Variants in CYTH4 observed in about 807,000 individuals in gnomAD.
The protein encoded by CYTH4 is cytohesin-4.
A neutral mutation model predicts 57.5 loss-of-function variants in CYTH4; 22 were observed. The ratio of observed to expected loss-of-function variants is 0.38; its 90% confidence interval spans 0.27 to 0.55. The LOEUF is 0.55. Among genes scored for constraint, CYTH4 ranks in the 20% least tolerant of loss-of-function variants. CYTH4 has a pLI of 0.74. For missense variants in CYTH4, 420 were observed against 535.6 expected (o/e 0.78, Z 2.13); for synonymous variants, 186 against 206.5 (o/e 0.90, Z 0.85).
Position 37,315,252 on chromosome 22 carries a change from CAT to C in CYTH4, c.*1742_*1743del, listed in dbSNP as rs144023161. The C allele has an allele frequency of 0.038, 5,805 of 152,424 alleles. 319 individuals carry two copies. The highest frequency in any genetic ancestry group is 0.12 in the African/African-American group (5,044 of 41,540). The allele number at this position is 152,424 out of a possible 1,614,324, so 9.4% of individuals were successfully genotyped here. A position where few individuals can be genotyped will look rare whatever the true frequency, so the allele number is the denominator to read the frequency against. ...CCCCTCTCTGGTCCTCAGCTTCCTC[CAT>C]CATGGAGGAGATGGGATCATGGATT... On this transcript the variant is annotated 3_prime_UTR_variant, in exon 13 of 13. Coordinates refer to ENST00000248901, the MANE Select transcript of CYTH4 (RefSeq NM_013385.5).
chr22:37,309,592 A>T (rs1019066962), intron 9 of CYTH4, among the ~76,000 whole-genome samples: 1 of 152,118 alleles, frequency 6.6e-6, no homozygotes, highest in African/African-American at 2.4e-5. Context: ...CCACTGACAA[A>T]TGCTTCAGCT....
chr22:37,308,542 A>G lies in CYTH4; in HGVS notation c.697-670A>G, dbSNP rs180841872. Among the ~76,000 whole-genome samples the G allele has an allele frequency of 8.1e-4, 120 of 148,732 alleles. No homozygotes were observed. The East Asian group carries it at 9.2e-3, about 11-fold the overall frequency. ...TGTATATGTGTCTGTGAGTGTGTGTATGTGTGTAAGTGTGCGTGTGTATAC... is the reference window on the plus strand; with the variant it reads ...TGTATATGTGTCTGTGAGTGTGTGTGTGTGTGTAAGTGTGCGTGTGTATAC... On this transcript the variant is annotated intron_variant, in intron 8 of 12. Coordinates refer to ENST00000248901, the MANE Select transcript of CYTH4 (RefSeq NM_013385.5).
chr22:37,312,290 T>C (rs911809776), intron 12 of CYTH4, 116 bp downstream of exon 12: 2 of 1,412,426 alleles, frequency 1.4e-6, no homozygotes, highest in Non-Finnish European at 1.9e-6. Context: ...CCCTCCTGTT[T>C]CTGGCTGGCA....
chr22:37,287,416 G>A (rs115948376), intron 1 of CYTH4, among the ~76,000 whole-genome samples: 237 of 152,286 alleles, frequency 1.6e-3, no homozygotes, highest in African/African-American at 5.3e-3. Flanking sequence ...CAGCAGGTGC[G>A]CCCTGGGCAG....
At chr22:37,291,311 C>T (rs1368778832) in intron 1 of CYTH4, among the ~76,000 whole-genome samples, 1 of 152,206 alleles carries the variant, frequency 6.6e-6, no homozygotes, top group East Asian at 1.9e-4. Context: ...CCTGCATCTC[C>T]GCATGGGGCT....
At chr22:37,285,029 A>T (rs1006408772) in intron 1 of CYTH4, among the ~76,000 whole-genome samples, 14 of 151,940 alleles carry the variant, frequency 9.2e-5, no homozygotes, top group African/African-American at 3.4e-4. Flanking sequence ...CTCCACCCAC[A>T]CCCCCTCTGC....
At chr22:37,307,607 C>T (rs1929450274) in intron 8 of CYTH4, among the ~76,000 whole-genome samples, 2 of 152,300 alleles carry the variant, frequency 1.3e-5, no homozygotes, top group South Asian at 4.1e-4. Context: ...AACCAGCAAG[C>T]TCCATTTCTA....
intron 12 of CYTH4, among the ~76,000 whole-genome samples, chr22:37,312,833 C>G (rs1286136336): frequency 6.6e-6 from 1 of 152,216 alleles, no homozygotes; most frequent in Non-Finnish European, 1.5e-5. Context: ...GGCAAGATGG[C>G]AAGCCTGCTC....
intron 7 of CYTH4, among the ~76,000 whole-genome samples, chr22:37,302,281 GA>G (rs1929211355): frequency 6.6e-6 from 1 of 152,246 alleles, no homozygotes; most frequent in African/African-American, 2.4e-5. Context: ...CCACAGCACA[GA>G]GTATGTACTC....
chr22:37,297,923 A>T lies in CYTH4; in HGVS notation c.353+241A>T, dbSNP rs76202368. 4.5e-3 allele frequency: 1,788 copies of T among 395,346 alleles called. 32 individuals carry two copies. Among genetic ancestry groups the T allele is most frequent in the African/African-American group, 0.034 (1,653 of 48,886 alleles). 24.5% of individuals were successfully genotyped at this position (395,346 alleles called of 1,614,324 possible). A position where few individuals can be genotyped will look rare whatever the true frequency, so the allele number is the denominator to read the frequency against. On this transcript the variant is annotated intron_variant, in intron 5 of 12. Transcript: ENST00000248901. ...CTACTGTGTTCCAGGCACCATCCTA[A>T]GCCCTGGGTGTACACCAGTGAATAA...
intron 12 of CYTH4, 51 bp from the exon 13 acceptor site, chr22:37,313,388 C>CCA (rs1929721488): frequency 6.3e-7 from 1 of 1,576,866 alleles, no homozygotes; most frequent in Admixed American, 1.7e-5. Context: ...GGAGAGCAGA[C>CCA]CACCTTGACG....
intron 1 of CYTH4, among the ~76,000 whole-genome samples, chr22:37,287,621 T>A (rs1318111446): frequency 6.6e-6 from 1 of 151,940 alleles, no homozygotes; most frequent in Non-Finnish European, 1.5e-5. Flanking sequence ...CTGTCCCTGC[T>A]CTGCATCTCC....
intron 4 of CYTH4, 72 bp from the exon 5 acceptor site, chr22:37,297,492 C>T (rs1929018165): frequency 7.3e-7 from 1 of 1,364,846 alleles, no homozygotes; most frequent in Admixed American, 1.7e-5. Context: ...CATGGAAGCT[C>T]CTTCCTCCCT....
rs1928946684 is a variant in CYTH4, at chr22:37,295,916, C to T, written c.168-83C>T. ...GAGGGCCCTAGAGGGGTATGGGCTC[C>T]TGCTGAGGCAAGGGTCCTTGGGGAG... On this transcript the variant is annotated intron_variant, in intron 3 of 12. Coordinates refer to ENST00000248901, the MANE Select transcript of CYTH4 (RefSeq NM_013385.5). The surrounding 1 kb of genome is among the most constrained non-coding windows in gnomAD (Gnocchi z 4.1). 53 of 1,460,314 alleles carry T rather than the reference C, an allele frequency of 3.6e-5. 2 individuals carry two copies. In the South Asian group the frequency reaches 6.4e-4, roughly 18 times the overall value. 90.5% of individuals were successfully genotyped at this position (1,460,314 alleles called of 1,614,324 possible).
intron 1 of CYTH4, among the ~76,000 whole-genome samples, chr22:37,285,552 CA>C (rs777287770): frequency 3.3e-5 from 5 of 150,622 alleles, no homozygotes; most frequent in East Asian, 3.9e-4. Flanking sequence ...ACTAAAAATA[CA>C]AAAAAAAATT....
rs1282426618 is a variant in CYTH4 at position 37,305,792 on chromosome 22, GTCTA to G, written c.696+2391_696+2394del. On this transcript the variant is annotated intron_variant, in intron 8 of 12. Transcript: ENST00000248901. ...TAAGTGGCCCAATTTGCAAAATTAA[GTCTA>G]CACAGGTGTGACCCAAAGAGAGGTC... Among the ~76,000 whole-genome samples, 8 of 152,256 alleles carry G rather than the reference GTCTA, an allele frequency of 5.3e-5. No individual in the cohort carries two copies. In the South Asian group the frequency reaches 1.7e-3, roughly 32 times the overall value.
At chr22:37,308,643 C>T (rs1929505011) in intron 8 of CYTH4, among the ~76,000 whole-genome samples, 2 of 148,820 alleles carry the variant, frequency 1.3e-5, no homozygotes, top group Non-Finnish European at 3.0e-5. Flanking sequence ...TGTGAGTATG[C>T]ATGTATGTGT....
At chr22:37,307,252 G>A (rs891836590) in intron 8 of CYTH4, among the ~76,000 whole-genome samples, 1 of 152,262 alleles carries the variant, frequency 6.6e-6, no homozygotes, top group Non-Finnish European at 1.5e-5. Flanking sequence ...TGCGGGGGCA[G>A]AATGTACAGG....
intron 1 of CYTH4, among the ~76,000 whole-genome samples, chr22:37,286,268 A>G (rs981384172): frequency 1.3e-5 from 2 of 152,228 alleles, no homozygotes; most frequent in Admixed American, 6.5e-5. Context: ...TCCGAGCCCC[A>G]GATGGACCCA....
Sources: gnomAD v4.1 joint callset for allele counts (sites outside exome capture counted in the v4.1 genomes callset) on GRCh38, gnomAD v4.1.1 for gene constraint, Gnocchi (gnomAD v3.1) non-coding constraint, MANE v1.5 for transcripts, NCBI Gene and HGNC (gene_info 2026-07-23, HGNC 2026-07-21) for gene names.